SHQ1: variants seen among roughly 807,000 people sequenced by gnomAD.
SHQ1 encodes the protein protein SHQ1 homolog.
SHQ1 carries 49 observed loss-of-function variants against 53.8 expected under a neutral mutation model. That is an observed-to-expected ratio of 0.91 (90% confidence interval 0.72 to 1.16). The LOEUF (loss-of-function observed/expected upper bound fraction) is 1.16, where lower values mean the gene tolerates loss of function less well. Among genes scored for constraint, SHQ1 ranks in the 50% most tolerant of loss-of-function variants. SHQ1 has a pLI of 0.00. For missense variants in SHQ1, 738 were observed against 683.1 expected (o/e 1.08, Z -0.90); for synonymous variants, 243 against 251.0 (o/e 0.97, Z 0.30).
At chr3:72,787,635 A>C (rs1297591189) in intron 10 of SHQ1, among the ~76,000 whole-genome samples, 1 of 152,270 alleles carries the variant, frequency 6.6e-6, no homozygotes, top group Non-Finnish European at 1.5e-5. Flanking sequence ...TATTATCATG[A>C]GTATAAAACA....
At chr3:72,839,696 T>C (rs1157978256) in intron 4 of SHQ1, among the ~76,000 whole-genome samples, 1 of 152,170 alleles carries the variant, frequency 6.6e-6, no homozygotes, top group Non-Finnish European at 1.5e-5. Context: ...CCAGGTCTTT[T>C]CCCTCTCCTT....
At chr3:72,829,098 A>G (rs1428153742) in intron 5 of SHQ1, among the ~76,000 whole-genome samples, 1 of 152,174 alleles carries the variant, frequency 6.6e-6, no homozygotes, top group African/African-American at 2.4e-5. Context: ...GATTGATTGA[A>G]TGTGTGGGAT....
At chr3:72,817,449 T>C in intron 6 of SHQ1, 65 bp from the exon 7 acceptor site, 1 of 1,428,672 alleles carries the variant, frequency 7.0e-7, no homozygotes, top group Non-Finnish European at 9.5e-7. Context: ...CAATGGAAGA[T>C]TTGTCAAAAT....
chr3:72,824,341 C>T lies in SHQ1; in HGVS notation c.727+83G>A, dbSNP rs146209435. On this transcript the variant is annotated intron_variant, in intron 6 of 10. Transcript: ENST00000325599. ...ACATTATAAGGCAATTACAACTATA[C>T]GCTTAATAATATGGAAGGCAGTAAA... The T allele has an allele frequency of 9.2e-3, 13,692 of 1,496,334 alleles. 81 individuals carry two copies. The highest frequency in any genetic ancestry group is 0.011 in the Non-Finnish European group (11,587 of 1,100,348). The allele number at this position is 1,496,334 out of a possible 1,614,324, so 92.7% of individuals were successfully genotyped here. A position where few individuals can be genotyped will look rare whatever the true frequency, so the allele number is the denominator to read the frequency against.
At chr3:72,846,188 A>C in intron 1 of SHQ1, 1 of 1,531,762 alleles carries the variant, frequency 6.5e-7, no homozygotes, top group Non-Finnish European at 8.7e-7. Context: ...TTAAATTCTT[A>C]CTGCAGAGAA....
intron 10 of SHQ1, among the ~76,000 whole-genome samples, chr3:72,785,775 G>A (rs766017665): frequency 4.6e-5 from 7 of 152,126 alleles, no homozygotes; most frequent in Non-Finnish European, 1.0e-4. Flanking sequence ...CATCCACTCC[G>A]ATTATTATTA....
intron 10 of SHQ1, 73 bp downstream of exon 10, chr3:72,792,843 T>TTCC: frequency 7.9e-7 from 1 of 1,273,716 alleles, no homozygotes; most frequent in South Asian, 1.3e-5. Flanking sequence ...TTTCGTTTTC[T>TTCC]TCCTCCTGGG....
the SHQ1 span, among the ~76,000 whole-genome samples, chr3:72,729,161 T>C: frequency 6.6e-6 from 1 of 152,224 alleles, no homozygotes; most frequent in Non-Finnish European, 1.5e-5. Context: ...AGCTTTTATC[T>C]TGTGACTTGT....
the SHQ1 span, among the ~76,000 whole-genome samples, chr3:72,736,325 T>G: frequency 6.7e-6 from 1 of 149,862 alleles, no homozygotes; most frequent in African/African-American, 2.5e-5. Flanking sequence ...ACAAACCCCT[T>G]CTCTTAAACC....
At chr3:72,732,384 G>GCCTTCCTTCCTTTCTT in the SHQ1 span, among the ~76,000 whole-genome samples, 2 of 86,978 alleles carry the variant, frequency 2.3e-5, no homozygotes, top group African/African-American at 1.0e-4. Context: ...CTGCCTGCCT[G>GCCTTCCTTCCTTTCTT]CCTGCCTTCC....
chr3:72,833,503 C>T (rs9310251), intron 4 of SHQ1, among the ~76,000 whole-genome samples: 322 of 24,986 alleles, frequency 0.013, 1 homozygote, highest in East Asian at 0.055. Context: ...GATAGATAGA[C>T]AGACAGACAG....
chr3:72,831,859 T>G (rs958887370), intron 5 of SHQ1, among the ~76,000 whole-genome samples: 1 of 152,188 alleles, frequency 6.6e-6, no homozygotes, highest in Non-Finnish European at 1.5e-5. Flanking sequence ...AACTTCAAAT[T>G]AGATTCTATT....
At position 72,812,358 on chromosome 3, in the gene SHQ1, C is replaced by T. The variant is rs547935537; in HGVS notation, c.1060+313G>A. 2.6e-5 allele frequency among the ~76,000 whole-genome samples: 4 copies of T among 152,262 alleles called. No homozygotes were observed. The East Asian group carries it at 5.8e-4, about 22-fold the overall frequency. ...TAGACCCACAGTCCCACCATAGAGC[C>T]TAGAAGATTATAGGCAGCCAAGAAA... On this transcript the variant is annotated intron_variant, in intron 9 of 10. Coordinates refer to ENST00000325599, the MANE Select transcript of SHQ1 (RefSeq NM_018130.3).
chr3:72,781,053 C>CTTTTTTTTTTTTTT, intron 10 of SHQ1, among the ~76,000 whole-genome samples: 1 of 141,654 alleles, frequency 7.1e-6, no homozygotes, highest in Admixed American at 7.0e-5. Context: ...ATTTTCTTCT[C>CTTTTTTTTTTTTTT]TTTTTTTTTT....
chr3:72,842,698 T>C (rs1002117763), intron 2 of SHQ1, among the ~76,000 whole-genome samples: 3 of 152,240 alleles, frequency 2.0e-5, no homozygotes, highest in Admixed American at 6.5e-5. Flanking sequence ...TCTAAAACTA[T>C]GCCCTCATAG....
chr3:72,794,294 A>G (rs1706533244), intron 9 of SHQ1: 2 of 152,202 alleles, frequency 1.3e-5, no homozygotes, highest in Admixed American at 1.3e-4. Flanking sequence ...TAAATTTTTT[A>G]ACATAATTAA....
chr3:72,815,301 A>G, intron 8 of SHQ1, 49 bp downstream of exon 8: 7 of 1,530,004 alleles, frequency 4.6e-6, no homozygotes, highest in Non-Finnish European at 5.4e-6. Flanking sequence ...AACAACAAAA[A>G]TAACTTCCTG....
At chr3:72,791,713 T>C (rs1191845194) in intron 10 of SHQ1, among the ~76,000 whole-genome samples, 1 of 151,810 alleles carries the variant, frequency 6.6e-6, no homozygotes, top group African/African-American at 2.4e-5. Flanking sequence ...TTATAGGTTT[T>C]TTGTTTTGTT....
chr3:72,809,382 A>T (rs1434181101), intron 9 of SHQ1, among the ~76,000 whole-genome samples: 3 of 152,142 alleles, frequency 2.0e-5, no homozygotes, highest in Non-Finnish European at 4.4e-5. Flanking sequence ...TATAGGATAT[A>T]TATTATAGGA....
Sources: gnomAD v4.1 joint callset for allele counts (sites outside exome capture counted in the v4.1 genomes callset) on GRCh38, gnomAD v4.1.1 for gene constraint, MANE v1.5 for transcripts, NCBI Gene and HGNC (gene_info 2026-07-23, HGNC 2026-07-21) for gene names.